TMC5: variants seen among roughly 807,000 people sequenced by gnomAD.
TMC5 encodes transmembrane channel like 5.
Under a neutral mutation model 110.5 loss-of-function variants are expected in TMC5, and 86 were observed. That is an observed-to-expected ratio of 0.78 (90% CI 0.65 to 0.93). TMC5 has a LOEUF of 0.93. Ranked by LOEUF, TMC5 falls within the 40% of genes least tolerant of loss-of-function variation. The pLI is 0.00. For synonymous variants in TMC5, 455 were observed against 439.5 expected, an observed-to-expected ratio of 1.04 and a Z score of -0.44; for missense variants, 1,144 against 1,222.8, an observed-to-expected ratio of 0.94 and a Z score of 0.96.
At chr16:19,466,626 A>G (rs900304397) in intron 9 of TMC5, among the ~76,000 whole-genome samples, 1 of 152,210 alleles carries the variant, frequency 6.6e-6, no homozygotes, top group Admixed American at 6.5e-5. Context: ...TCCTGGGATT[A>G]CAGGCGTGAG....
chr16:19,467,743 A>G (rs1320954578), intron 9 of TMC5, among the ~76,000 whole-genome samples: 2 of 151,956 alleles, frequency 1.3e-5, no homozygotes, highest in African/African-American at 4.8e-5. Context: ...CAGCCTCCCA[A>G]AGTGCTGGGA....
chr16:19,430,025 T>G (rs1967164506), intron 1 of TMC5, among the ~76,000 whole-genome samples: 1 of 151,896 alleles, frequency 6.6e-6, no homozygotes. Flanking sequence ...GGGATGCAAC[T>G]CAACTCATAA....
chr16:19,470,438 T>A (rs960808919), intron 10 of TMC5, among the ~76,000 whole-genome samples: 4 of 151,766 alleles, frequency 2.6e-5, no homozygotes, highest in Admixed American at 1.3e-4. Flanking sequence ...CCACCCGCCT[T>A]GGCCTCCCAA....
At chr16:19,428,418 G>A (rs1419833728) in intron 1 of TMC5, among the ~76,000 whole-genome samples, 1 of 150,744 alleles carries the variant, frequency 6.6e-6, no homozygotes, top group South Asian at 2.1e-4. Context: ...AAACGATTGC[G>A]CTGGCTTAGA....
At chr16:19,452,571 GC>G (rs1253170658) in intron 5 of TMC5, among the ~76,000 whole-genome samples, 1 of 152,138 alleles carries the variant, frequency 6.6e-6, no homozygotes, top group Non-Finnish European at 1.5e-5. Context: ...ACAAAAATTA[GC>G]CGGGCATGGT....
At chr16:19,457,422 G>A (rs1260589089) in intron 5 of TMC5, among the ~76,000 whole-genome samples, 2 of 152,030 alleles carry the variant, frequency 1.3e-5, no homozygotes, top group Non-Finnish European at 2.9e-5. Context: ...TAATATGGAA[G>A]GGCGGAAGGT....
In TMC5 at chr16:19,473,371, A is replaced by C. The variant is rs868583964; in HGVS notation, c.1939-754A>C. Among the ~76,000 whole-genome samples, 126 of 145,068 alleles carry C rather than the reference A, an allele frequency of 8.7e-4. 1 individual carries two copies. Among genetic ancestry groups the C allele is most frequent in the Admixed American group, 1.7e-3 (25 of 14,740 alleles). ...AAAAAAAAAAAAAAAAAAAAAAAAA[A>C]AAAAAAAAAACCAGCAGCACGGGCT... On this transcript the variant is annotated intron_variant, in intron 11 of 21. Transcript: ENST00000542583.
At chr16:19,467,430 G>A (rs6497378) in intron 9 of TMC5, among the ~76,000 whole-genome samples, 130,887 of 151,790 alleles carry the variant, frequency 0.86, 56,662 homozygotes, top group South Asian at 0.93. Context: ...GTACTGAATT[G>A]GGACACAATT....
intron 9 of TMC5, among the ~76,000 whole-genome samples, chr16:19,467,733 C>T (rs1268077669): frequency 6.6e-6 from 1 of 152,030 alleles, no homozygotes; most frequent in Admixed American, 6.6e-5. Context: ...CCACCCGCCT[C>T]AGCCTCCCAA....
At chr16:19,438,453 G>GAAAGAAAGAAAGAAAGAAAGAAAGAA (rs1211525745) in intron 2 of TMC5, among the ~76,000 whole-genome samples, 5 of 145,310 alleles carry the variant, frequency 3.4e-5, no homozygotes, top group African/African-American at 1.3e-4. Context: ...AAGAAAGAAA[G>GAAAGAAAGAAAGAAAGAAAGAAAGAA]AAAGAAAACT....
intron 9 of TMC5, among the ~76,000 whole-genome samples, chr16:19,468,059 C>G (rs914526223): frequency 6.6e-6 from 1 of 152,108 alleles, no homozygotes; most frequent in Non-Finnish European, 1.5e-5. Context: ...ACTGCAACCT[C>G]CGCTTCTCGG....
rs144072424 is a variant in TMC5 at position 19,436,410 on chromosome 16, G to A, written c.-79-3550G>A. On this transcript the variant is annotated intron_variant, in intron 2 of 21. Transcript: ENST00000542583. The stretch of plus-strand genomic sequence containing the variant: ...CAATTTCTTGAATTTACTAGGCATC[G>A]TTCAGCTGGTTAGATGTAATAGCTT... Among the ~76,000 whole-genome samples the A allele has an allele frequency of 1.6e-3, 248 of 152,094 alleles. 1 individual carries two copies. Among genetic ancestry groups the A allele is most frequent in the African/African-American group, 5.3e-3 (218 of 41,480 alleles).
intron 6 of TMC5, among the ~76,000 whole-genome samples, chr16:19,461,456 C>T (rs1968020145): frequency 6.6e-6 from 1 of 152,040 alleles, no homozygotes; most frequent in South Asian, 2.1e-4. Flanking sequence ...CGCCTGTAAT[C>T]CCAGCTACTG....
chr16:19,482,274 T>A (rs1276559142), intron 15 of TMC5, among the ~76,000 whole-genome samples: 2 of 152,078 alleles, frequency 1.3e-5, no homozygotes, highest in Non-Finnish European at 2.9e-5. Context: ...GCCAGGCTGG[T>A]CTTGAACTCC....
Position 19,472,169 on chromosome 16 carries a change from G to A in TMC5, c.1864G>A (p.Ala622Thr). 1 of 1,614,198 alleles carries A rather than the reference G, an allele frequency of 6.2e-7. No individual in the cohort carries two copies. Among genetic ancestry groups the A allele is most frequent in the African/African-American group, 1.3e-5 (1 of 75,058 alleles). Residue 622 changes from alanine to threonine, a missense_variant, in exon 11 of 22, where the codon GCC (alanine) becomes ACC (threonine). Coordinates refer to ENST00000542583, the MANE Select transcript of TMC5 (RefSeq NM_001261841.2). ...LLTRFSAYMV[A>T]WVVSTGVAIA... ...GACCCGCTTCTCTGCCTACATGGTA[G>A]CCTGGGTTGTCTCTACAGGAGTGGC...
At chr16:19,484,262 A>AT (rs1391221988) in intron 15 of TMC5, among the ~76,000 whole-genome samples, 1 of 152,130 alleles carries the variant, frequency 6.6e-6, no homozygotes, top group East Asian at 1.9e-4. Context: ...TAATGAGTTT[A>AT]TTTTTTAGAG....
chr16:19,434,833 T>C (rs1237352294), intron 2 of TMC5, among the ~76,000 whole-genome samples: 1 of 152,124 alleles, frequency 6.6e-6, no homozygotes, highest in Admixed American at 6.6e-5. Flanking sequence ...TATGAGATAT[T>C]ATTGTCAGTA....
At chr16:19,449,035 A>T (rs55649198) in intron 4 of TMC5, among the ~76,000 whole-genome samples, 5,363 of 150,668 alleles carry the variant, frequency 0.036, 119 homozygotes, top group African/African-American at 0.056. Flanking sequence ...ATTTTTTTGT[A>T]TTTTTTTAGT....
rs1968575066 is a variant in TMC5, at chr16:19,479,927, CTA to C, written c.2267+401_2267+402del. On this transcript the variant is annotated intron_variant, in intron 14 of 21. Transcript: ENST00000542583. ...TGGGCAAAATAGGAAGACTCTGTCT[CTA>C]TCCAAAAAAAAAAAAAAAGAAGAAG... Among the ~76,000 whole-genome samples the C allele has an allele frequency of 2.4e-5, 3 of 126,046 alleles. No homozygotes were observed. In the Admixed American group the frequency reaches 2.5e-4, roughly 10 times the overall value. 82.7% of individuals were successfully genotyped at this position (126,046 alleles called of 152,430 possible).
Sources: allele counts gnomAD v4.1 joint callset (sites outside exome capture counted in the v4.1 genomes callset), GRCh38; gene constraint gnomAD v4.1.1; transcripts MANE v1.5; gene names NCBI Gene and HGNC (gene_info 2026-07-23, HGNC 2026-07-21).